The following MID2 variants were observed in gnomAD, a reference collection of about 807,000 sequenced individuals.
MID2 encodes probable E3 ubiquitin-protein ligase MID2.
MID2 carries 13 observed loss-of-function variants against 46.1 expected under a neutral mutation model. The ratio of observed to expected loss-of-function variants is 0.28; its 90% CI spans 0.18 to 0.45. MID2 has a LOEUF of 0.45. Among genes scored for constraint, MID2 ranks in the 20% least tolerant of loss-of-function variants. The pLI is 1.00. For synonymous variants in MID2, 199 were observed against 212.3 expected, an observed-to-expected ratio of 0.94 and a Z score of 0.55; for missense variants, 431 against 575.4, an observed-to-expected ratio of 0.75 and a Z score of 2.57.
At chrX:107,845,008 C>T (rs1160267936) in intron 2 of MID2, among the ~76,000 whole-genome samples, 1 of 111,614 alleles carries the variant, frequency 9.0e-6, no homozygotes, top group Non-Finnish European at 1.9e-5. Flanking sequence ...AGGAAATATA[C>T]CAGTGCCTAT....
At chrX:107,834,492 A>G (rs1931163249) in intron 1 of MID2, among the ~76,000 whole-genome samples, 1 of 112,464 alleles carries the variant, frequency 8.9e-6, no homozygotes, top group South Asian at 3.7e-4. Flanking sequence ...AACTCTGTAT[A>G]GATTAGTGAT....
Position 107,833,411 on chromosome X carries a change from T to TTA in MID2, c.4+6999_4+7000dup, listed in dbSNP as rs200944691. ...TTTAATATCCTGAAGAATGTTTATTTTATATATATATATATATATTTTTTT... is the reference window on the plus strand; with the variant it reads ...TTTAATATCCTGAAGAATGTTTATTTTATATATATATATATATATATTTTTTT... On this transcript the variant is annotated intron_variant, in intron 1 of 9. Coordinates refer to ENST00000262843, the MANE Select transcript of MID2 (RefSeq NM_012216.4). Among the ~76,000 whole-genome samples the TTA allele has an allele frequency of 2.5e-3, 235 of 93,907 alleles. 3 individuals carry two copies. Among genetic ancestry groups the TTA allele is most frequent in the East Asian group, 0.025 (83 of 3,348 alleles). 81.5% of individuals were successfully genotyped at this position (93,907 alleles called of 115,157 possible). A position where few individuals can be genotyped will look rare whatever the true frequency, so the allele number is the denominator to read the frequency against.
intron 3 of MID2, among the ~76,000 whole-genome samples, chrX:107,864,245 G>A (rs1931912711): frequency 2.7e-5 from 3 of 111,569 alleles, no homozygotes; most frequent in Non-Finnish European, 3.8e-5. Context: ...GTCTGTTTGG[G>A]GGCCTGGCGT....
At chrX:107,834,959 G>A (rs186931925) in intron 1 of MID2, among the ~76,000 whole-genome samples, 6 of 111,399 alleles carry the variant, frequency 5.4e-5, no homozygotes, top group East Asian at 2.8e-4. Context: ...TGCAATCATC[G>A]TCACTATCTA....
intron 3 of MID2, among the ~76,000 whole-genome samples, chrX:107,884,813 T>C (rs757000170): frequency 2.3e-4 from 26 of 111,798 alleles, no homozygotes; most frequent in Non-Finnish European, 4.3e-4. Context: ...ACTTTGATAA[T>C]TTACTTTACC....
intron 3 of MID2, among the ~76,000 whole-genome samples, chrX:107,890,873 T>C (rs931345745): frequency 1.4e-4 from 15 of 110,177 alleles, no homozygotes; most frequent in African/African-American, 4.9e-4. Context: ...CAGAGTGCTG[T>C]GCTAGCAATT....
Position 107,903,868 on chromosome X carries a change from G to A in MID2, c.817-90G>A, listed in dbSNP as rs1007501123. On this transcript the variant is annotated intron_variant, in intron 3 of 9. Transcript: ENST00000262843. The stretch of plus-strand genomic sequence containing the variant: ...TTATGAGGGAGGTATGGAAGAAGTT[G>A]TGCATGCTTAGCTGTCAGTCCGAAC... The A allele has an allele frequency of 1.9e-5, 11 of 588,101 alleles. No individual in the cohort carries two copies. In the African/African-American group the frequency reaches 2.4e-4, roughly 13 times the overall value. The allele number at this position is 588,101 out of a possible 1,213,427, so 48.5% of individuals were successfully genotyped here.
In MID2 at chrX:107,841,203, C is replaced by G. The variant is rs1292953974; in HGVS notation, c.538C>G (p.Arg180Gly). 8.3e-7 allele frequency: 1 copy of G among 1,211,718 alleles called. No homozygotes were observed. The highest frequency in any genetic ancestry group is 1.7e-5 in the African/African-American group (1 of 57,801). Residue 180 changes from arginine (R) to glycine (G), a missense_variant, in exon 2 of 10, where the codon CGC becomes GGC. Transcript: ENST00000262843. ...CAACAAGAAACCTTTCACCAGCCAC[C>G]GCCTGGTGGAACCAGTGCCAGACAC... The part of the protein sequence containing the change: ...HPNKKPFTSH[R>G]LVEPVPDTHL...
chrX:107,841,279 T>C lies in MID2; in HGVS notation c.614T>C (p.Met205Thr), dbSNP rs777067832. The C allele has an allele frequency of 1.1e-5, 13 of 1,211,047 alleles. No individual in the cohort carries two copies. The highest frequency in any genetic ancestry group is 1.5e-5 in the Non-Finnish European group (13 of 895,123). ...CLDHENEKVNMYCVSDDQLIC... is the reference protein window; with the variant it reads ...CLDHENEKVNTYCVSDDQLIC... Reference sequence around the variant, plus strand: ...GACCATGAGAATGAGAAAGTGAACATGTACTGTGTATCTGATGACCAATTG... The same window carrying C: ...GACCATGAGAATGAGAAAGTGAACACGTACTGTGTATCTGATGACCAATTG... Residue 205 changes from methionine to threonine, a missense_variant, in exon 2 of 10, where the codon ATG (methionine) becomes ACG (threonine). Physicochemically the swap from Met to Thr is moderately conservative, Grantham distance 81. Transcript: ENST00000262843.
At position 107,826,418 on chromosome X, in the gene MID2, G is replaced by A. The variant is rs1930945929; in HGVS notation, c.-9G>A. 1 of 1,138,825 alleles carries A rather than the reference G, an allele frequency of 8.8e-7. No homozygotes were observed. The highest frequency in any genetic ancestry group is 3.7e-5 in the East Asian group (1 of 27,073). 93.9% of individuals were successfully genotyped at this position (1,138,825 alleles called of 1,213,427 possible). A position where few individuals can be genotyped will look rare whatever the true frequency, so the allele number is the denominator to read the frequency against. Reference sequence around the variant, plus strand: ...CGAGCGGAGGAGATGGCTGGCACCTGGGAACGCTATGGGTAAAACGCGCCC... The same window carrying A: ...CGAGCGGAGGAGATGGCTGGCACCTAGGAACGCTATGGGTAAAACGCGCCC... On this transcript the variant is annotated 5_prime_UTR_variant, in exon 1 of 10. An upstream open reading frame in the 5' UTR gains an earlier in-frame stop. Transcript: ENST00000262843.
At position 107,931,097 on chromosome X, in the gene MID2, G is replaced by A. The variant is rs747839551; in HGVS notation, c.*4024G>A. ...GCAAAATCACTTATCTGTTCTTTTC[G>A]GCTAAAACACTCTAGGTGAATTTTC... On this transcript the variant is annotated 3_prime_UTR_variant, in exon 10 of 10. Transcript: ENST00000262843. Among the ~76,000 whole-genome samples the A allele has an allele frequency of 8.9e-6, 1 of 111,792 alleles. No individual in the cohort carries two copies. The highest frequency in any genetic ancestry group is 3.8e-4 in the South Asian group (1 of 2,664).
At position 107,930,795 on chromosome X, in the gene MID2, G is replaced by A. The variant is rs1933268653; in HGVS notation, c.*3722G>A. Reference sequence around the variant, plus strand: ...AAAGAAGGTGACTGCATAAGCTTTTGTTGTTGTTGCTCTACTCAACCTGTT... The same window carrying A: ...AAAGAAGGTGACTGCATAAGCTTTTATTGTTGTTGCTCTACTCAACCTGTT... On this transcript the variant is annotated 3_prime_UTR_variant, in exon 10 of 10. Transcript: ENST00000262843. Among the ~76,000 whole-genome samples, 1 of 112,450 alleles carries A rather than the reference G, an allele frequency of 8.9e-6. No homozygotes were observed. Among genetic ancestry groups the A allele is most frequent in the African/African-American group, 3.2e-5 (1 of 31,025 alleles).
intron 3 of MID2, among the ~76,000 whole-genome samples, chrX:107,870,619 G>T (rs1932043050): frequency 9.0e-6 from 1 of 110,969 alleles, no homozygotes; most frequent in African/African-American, 3.3e-5. Context: ...CTCTCCAATG[G>T]TGTGCTGGTG....
At chrX:107,924,223 T>C in intron 7 of MID2, 120 bp from the exon 8 acceptor site, 1 of 688,332 alleles carries the variant, frequency 1.5e-6, no homozygotes, top group Admixed American at 3.0e-5. Context: ...CTTCTAAGAC[T>C]CAAAAGAAAA....
intron 3 of MID2, among the ~76,000 whole-genome samples, chrX:107,877,930 G>C (rs1296722082): frequency 1.8e-5 from 2 of 109,670 alleles, no homozygotes; most frequent in Non-Finnish European, 3.8e-5. Flanking sequence ...TTATCAGCCA[G>C]CGGGGCCACT....
rs749983502 is a variant in MID2 at position 107,926,158 on chromosome X, G to A, written c.1662G>A (p.Leu554=). 1.1e-4 allele frequency: 130 copies of A among 1,205,472 alleles called. No homozygotes were observed. The highest frequency in any genetic ancestry group is 1.4e-4 in the Non-Finnish European group (125 of 892,706). ...AGTTGAAGATCTCCAATGATGGATT[G>A]CAGATGGAGAAGGATGAAAGCTCTC... is the stretch of plus-strand genomic sequence containing the variant. ...HKKLKISNDG[L]QMEKDESSLK... The change falls in exon 9 of 10, where the codon TTG becomes TTA. Residue 554 remains leucine, a synonymous_variant. Transcript: ENST00000262843.
chrX:107,885,005 G>T (rs1932417703), intron 3 of MID2, among the ~76,000 whole-genome samples: 1 of 111,852 alleles, frequency 8.9e-6, no homozygotes, highest in Non-Finnish European at 1.9e-5. Flanking sequence ...TCTTTTACTA[G>T]CAGTAACAAT....
At chrX:107,904,664 C>G (rs1206168674) in intron 4 of MID2, among the ~76,000 whole-genome samples, 1 of 111,353 alleles carries the variant, frequency 9.0e-6, no homozygotes, top group African/African-American at 3.3e-5. Flanking sequence ...AGAAAGGAAA[C>G]GATAGGAAAC....
intron 3 of MID2, among the ~76,000 whole-genome samples, chrX:107,867,317 A>ATT (rs1262960692): frequency 6.4e-5 from 6 of 94,428 alleles, no homozygotes; most frequent in South Asian, 4.8e-4. Context: ...CGCCCAGCTA[A>ATT]TTTTTTTTTT....
Sources: allele counts gnomAD v4.1 joint callset (sites outside exome capture counted in the v4.1 genomes callset), GRCh38; gene constraint gnomAD v4.1.1; transcripts MANE v1.5; gene names NCBI Gene and HGNC (gene_info 2026-07-23, HGNC 2026-07-21).